SRPK2: variants seen among roughly 807,000 people sequenced by gnomAD.
The protein encoded by SRPK2 is SFRS protein kinase 2.
A neutral mutation model predicts 90.8 loss-of-function variants in SRPK2; 21 were observed. The observed-to-expected ratio is 0.23, with a 90% CI of 0.16 to 0.33. The LOEUF is 0.33. Among genes scored for constraint, SRPK2 ranks in the 10% least tolerant of loss-of-function variants. SRPK2 has a pLI of 1.00. For synonymous variants in SRPK2, 288 were observed against 311.1 expected, an observed-to-expected ratio of 0.93 and a Z score of 0.78; for missense variants, 620 against 869.0, an observed-to-expected ratio of 0.71 and a Z score of 3.60.
At chr7:105,357,096 T>C (rs1410491787) in intron 2 of SRPK2, among the ~76,000 whole-genome samples, 2 of 151,544 alleles carry the variant, frequency 1.3e-5, no homozygotes, top group Admixed American at 6.6e-5. Flanking sequence ...AGTGCAGTGG[T>C]GCGATCTCGG....
chr7:105,399,262 A>G lies in SRPK2; in HGVS notation n.47T>C, dbSNP rs376114873. 2.0e-5 allele frequency: 3 copies of G among 152,340 alleles called. No homozygotes were observed. In the East Asian group the frequency reaches 5.8e-4, roughly 29 times the overall value. 9.4% of individuals were successfully genotyped at this position (152,340 alleles called of 1,614,324 possible). On this transcript the variant is annotated non_coding_transcript_exon_variant, in exon 1 of 4. Coordinates refer to the SRPK2 transcript ENST00000462282. ...GACGGAGGCTGAAAGACCTGTTACC[A>G]AGATAATTCACTTGCATAGCTGTTG...
chr7:105,176,228 TATG>T (rs1791823435), intron 3 of SRPK2, among the ~76,000 whole-genome samples: 1 of 152,108 alleles, frequency 6.6e-6, no homozygotes, highest in Admixed American at 6.6e-5. Context: ...AGAAAATCTA[TATG>T]ATGAGCACAT....
intron 2 of SRPK2, among the ~76,000 whole-genome samples, chr7:105,229,650 G>A (rs1233426645): frequency 6.6e-6 from 1 of 152,196 alleles, no homozygotes; most frequent in Non-Finnish European, 1.5e-5. Context: ...TCAGGTTACA[G>A]GACTATCATA....
At chr7:105,264,808 C>G (rs1804816537) in intron 2 of SRPK2, among the ~76,000 whole-genome samples, 1 of 152,142 alleles carries the variant, frequency 6.6e-6, no homozygotes, top group African/African-American at 2.4e-5. Flanking sequence ...CACTGAACAG[C>G]AGATGTGGGC....
chr7:105,365,061 G>C (rs543198285), intron 2 of SRPK2, among the ~76,000 whole-genome samples: 2 of 152,290 alleles, frequency 1.3e-5, no homozygotes, highest in East Asian at 3.9e-4. Flanking sequence ...TTGCACAAAA[G>C]AGTAGAGTTA....
intron 6 of SRPK2, among the ~76,000 whole-genome samples, chr7:105,166,917 C>T (rs558498209): frequency 6.6e-6 from 1 of 152,286 alleles, no homozygotes; most frequent in East Asian, 1.9e-4. Flanking sequence ...AGCAGTCAAG[C>T]GCCACCTTGG....
At chr7:105,147,279 T>C (rs1003031317) in intron 7 of SRPK2, among the ~76,000 whole-genome samples, 2 of 152,186 alleles carry the variant, frequency 1.3e-5, no homozygotes, top group African/African-American at 4.8e-5. Context: ...CAATGGATTT[T>C]AGATGTGCGA....
chr7:105,192,228 G>A (rs370702848), intron 3 of SRPK2, among the ~76,000 whole-genome samples: 1 of 151,950 alleles, frequency 6.6e-6, no homozygotes, highest in African/African-American at 2.4e-5. Flanking sequence ...TTCCCCCTGA[G>A]TCCCCAAAGT....
intron 5 of SRPK2, 121 bp downstream of exon 5, chr7:105,167,887 A>T: frequency 1.3e-6 from 1 of 770,248 alleles, no homozygotes; most frequent in Non-Finnish European, 2.1e-6. Flanking sequence ...CTGAGATTAT[A>T]GGCATGAGCC....
At chr7:105,246,573 G>C (rs904852852) in intron 2 of SRPK2, among the ~76,000 whole-genome samples, 1 of 152,196 alleles carries the variant, frequency 6.6e-6, no homozygotes, top group Non-Finnish European at 1.5e-5. Context: ...AGAGAATGCA[G>C]ATGAGAAGAG....
At chr7:105,388,619 G>A in intron 2 of SRPK2, 29 bp downstream of exon 2, 1 of 1,560,202 alleles carries the variant, frequency 6.4e-7, no homozygotes, top group Non-Finnish European at 8.7e-7. Flanking sequence ...CGGGGGTGGG[G>A]AACGGGGACA....
rs555590343 is a variant in SRPK2 at position 105,249,183 on chromosome 7, G to T, written c.72-45398C>A. Among the ~76,000 whole-genome samples the T allele has an allele frequency of 3.9e-4, 59 of 152,226 alleles. 2 individuals are homozygous for T. The highest frequency in any genetic ancestry group is 3.4e-3 in the Middle Eastern group (1 of 292). ...GTACATATAAACAATGGACATCTTTGTTGTTCAGATATTATACTCTGAGGC... is the reference window on the plus strand; with the variant it reads ...GTACATATAAACAATGGACATCTTTTTTGTTCAGATATTATACTCTGAGGC... On this transcript the variant is annotated intron_variant, in intron 2 of 15. Transcript: ENST00000393651.
At chr7:105,290,740 C>T (rs1026089785) in intron 2 of SRPK2, among the ~76,000 whole-genome samples, 11 of 151,812 alleles carry the variant, frequency 7.2e-5, no homozygotes, top group Non-Finnish European at 1.5e-4. Context: ...AATGACTTTG[C>T]CAAATGAAGA....
In SRPK2 at chr7:105,302,081, G is replaced by A. The variant is rs971075092; in HGVS notation, c.71+86567C>T. 19 of 1,547,506 alleles carry A rather than the reference G, an allele frequency of 1.2e-5. No individual in the cohort carries two copies. The African/African-American group carries it at 2.3e-4, about 19-fold the overall frequency. On this transcript the variant is annotated intron_variant, in intron 2 of 15. Coordinates refer to ENST00000393651, the MANE Select transcript of SRPK2 (RefSeq NM_182692.3). ...AAGCAAAACTGGCTCTAAGGATGAT[G>A]AGTAGCACTTGGAATTTGAGACAAG...
intron 2 of SRPK2, among the ~76,000 whole-genome samples, chr7:105,296,107 C>T (rs1313397449): frequency 6.6e-6 from 1 of 152,080 alleles, no homozygotes; most frequent in African/African-American, 2.4e-5. Flanking sequence ...CTGAAGAGTA[C>T]AAGAATACTT....
Position 105,345,127 on chromosome 7 carries a change from A to T in SRPK2, c.71+43521T>A, listed in dbSNP as rs533728491. Among the ~76,000 whole-genome samples the T allele has an allele frequency of 1.8e-4, 27 of 146,224 alleles. No individual in the cohort carries two copies. The South Asian group carries it at 6.1e-3, about 33-fold the overall frequency. ...CTCCAGCCTAGGCAACAAGAGGGACACTCCATCAAGGACAGGAGAGGAGGG... is the reference window on the plus strand; with the variant it reads ...CTCCAGCCTAGGCAACAAGAGGGACTCTCCATCAAGGACAGGAGAGGAGGG... On this transcript the variant is annotated intron_variant, in intron 2 of 15. Coordinates refer to ENST00000393651, the MANE Select transcript of SRPK2 (RefSeq NM_182692.3).
At chr7:105,208,528 G>A (rs1796474640) in intron 2 of SRPK2, among the ~76,000 whole-genome samples, 1 of 152,174 alleles carries the variant, frequency 6.6e-6, no homozygotes, top group African/African-American at 2.4e-5. Flanking sequence ...ACAGATGCCA[G>A]TCAGAAAAGA....
intron 3 of SRPK2, among the ~76,000 whole-genome samples, chr7:105,197,858 A>G (rs796113341): frequency 7.9e-5 from 12 of 152,358 alleles, no homozygotes; most frequent in African/African-American, 2.9e-4. Flanking sequence ...TGAAAACTGT[A>G]CAAAGGTGCC....
chr7:105,379,279 T>TA, intron 2 of SRPK2, among the ~76,000 whole-genome samples: 1 of 151,760 alleles, frequency 6.6e-6, no homozygotes, highest in South Asian at 2.1e-4. Context: ...AACTACAAAT[T>TA]AAAAAAACAC....
Sources: gnomAD v4.1 joint callset for allele counts (sites outside exome capture counted in the v4.1 genomes callset) on GRCh38, gnomAD v4.1.1 for gene constraint, MANE v1.5 for transcripts, NCBI Gene and HGNC (gene_info 2026-07-23, HGNC 2026-07-21) for gene names.